ATP2B2: variants seen among roughly 807,000 people sequenced by gnomAD.
ATP2B2 encodes the protein ATPase plasma membrane Ca2+ transporting 2.
A neutral mutation model predicts 120.0 loss-of-function variants in ATP2B2; 15 were observed. That is an observed-to-expected ratio of 0.12 (90% CI 0.08 to 0.19). ATP2B2 has a LOEUF of 0.19. ATP2B2 is among the 10% of genes least tolerant of loss of function. The pLI is 1.00. For synonymous variants in ATP2B2, 694 were observed against 700.3 expected (o/e 0.99, Z 0.14); for missense variants, 1,045 against 1,719.8 (o/e 0.61, Z 6.94).
intron 1 of ATP2B2, among the ~76,000 whole-genome samples, chr3:10,672,442 G>C (rs1353945981): frequency 6.6e-6 from 1 of 152,178 alleles, no homozygotes; most frequent in Non-Finnish European, 1.5e-5. Flanking sequence ...TGGTTTAATG[G>C]GCTCTCTGGA....
intron 2 of ATP2B2, among the ~76,000 whole-genome samples, chr3:10,536,262 C>G (rs1479815591): frequency 2.0e-5 from 3 of 150,730 alleles, no homozygotes; most frequent in African/African-American, 4.9e-5. Context: ...ATACCAGTAC[C>G]TCATCGGTTT....
chr3:10,407,931 C>T (rs867345409), intron 3 of ATP2B2, among the ~76,000 whole-genome samples: 7 of 152,188 alleles, frequency 4.6e-5, no homozygotes, highest in African/African-American at 9.7e-5. Context: ...CATGGAGGGC[C>T]GGCCTGGGTC....
At chr3:10,662,685 G>T (rs111671018) in intron 1 of ATP2B2, among the ~76,000 whole-genome samples, 1 of 151,876 alleles carries the variant, frequency 6.6e-6, no homozygotes. Context: ...ACTGTGTGGC[G>T]GTTCTTCAAG....
At chr3:10,469,910 G>C (rs1039016290) in intron 1 of ATP2B2, among the ~76,000 whole-genome samples, 1 of 152,004 alleles carries the variant, frequency 6.6e-6, no homozygotes, top group African/African-American at 2.4e-5. Context: ...TTGGTTGCCT[G>C]GCAACCATGC....
At chr3:10,495,018 T>C (rs2066087515) in intron 1 of ATP2B2, among the ~76,000 whole-genome samples, 1 of 152,228 alleles carries the variant, frequency 6.6e-6, no homozygotes, top group African/African-American at 2.4e-5. Flanking sequence ...TCCCCAAATG[T>C]GGAGCCAGTG....
At chr3:10,390,336 G>C (rs1272464380) in intron 5 of ATP2B2, among the ~76,000 whole-genome samples, 1 of 152,192 alleles carries the variant, frequency 6.6e-6, no homozygotes, top group Non-Finnish European at 1.5e-5. Flanking sequence ...TCTAAAATAA[G>C]GGTTGAGGGG....
At chr3:10,344,489 G>A (rs1037828476) in intron 18 of ATP2B2, among the ~76,000 whole-genome samples, 2 of 152,226 alleles carry the variant, frequency 1.3e-5, no homozygotes, top group Admixed American at 6.5e-5. Context: ...GTGTTCCAGC[G>A]CCACACAGCT....
chr3:10,630,522 A>G (rs2069833346), intron 1 of ATP2B2, among the ~76,000 whole-genome samples: 1 of 152,108 alleles, frequency 6.6e-6, no homozygotes, highest in African/African-American at 2.4e-5. Flanking sequence ...TTATGGCTTC[A>G]TAGTATTCCA....
At chr3:10,455,431 G>A (rs898017634) in intron 1 of ATP2B2, among the ~76,000 whole-genome samples, 1 of 152,212 alleles carries the variant, frequency 6.6e-6, no homozygotes, top group African/African-American at 2.4e-5. Flanking sequence ...TGTGACCTTG[G>A]AGAAGTCATC....
intron 2 of ATP2B2, among the ~76,000 whole-genome samples, chr3:10,437,343 T>C (rs2125124943): frequency 6.6e-6 from 1 of 152,310 alleles, no homozygotes; most frequent in Non-Finnish European, 1.5e-5. Flanking sequence ...TTGACTCACA[T>C]CAGCTCATTT....
At chr3:10,354,137 C>T (rs766243489) in intron 14 of ATP2B2, among the ~76,000 whole-genome samples, 1 of 152,190 alleles carries the variant, frequency 6.6e-6, no homozygotes, top group Admixed American at 6.5e-5. Context: ...ATGAAATGCT[C>T]TCTATTCCTG....
At chr3:10,435,851 AAG>A (rs2063464517) in intron 2 of ATP2B2, among the ~76,000 whole-genome samples, 1 of 152,258 alleles carries the variant, frequency 6.6e-6, no homozygotes, top group Admixed American at 6.5e-5. Flanking sequence ...GAATTTAAAA[AAG>A]AAATAAAAAA....
Position 10,329,049 on chromosome 3 carries a change from T to C in ATP2B2, c.3497A>G (p.Asn1166Ser). 1 of 1,613,834 alleles carries C rather than the reference T, an allele frequency of 6.2e-7. No individual in the cohort carries two copies. The highest frequency in any genetic ancestry group is 8.5e-7 in the Non-Finnish European group (1 of 1,179,978). Residue 1166 changes from asparagine to serine, a missense_variant, in exon 23 of 23, where the codon AAC (asparagine) becomes AGC (serine). By Grantham distance (46) the Asn-to-Ser change is conservative. This residue lies in a region of ATP2B2 where 211 missense variants were observed against 385.1 expected (regional missense o/e 0.55). Coordinates refer to ENST00000360273, the MANE Select transcript of ATP2B2 (RefSeq NM_001001331.4). The surrounding 1 kb of genome is among the most constrained non-coding windows in gnomAD (Gnocchi z 5.9). ...CCGGAATTCAGGATGAGCCATGAAG[T>C]TATGGATGGAGGTTCGAGATTCAGG... ...EKPESRTSIH[N>S]FMAHPEFRIE...
intron 2 of ATP2B2, among the ~76,000 whole-genome samples, chr3:10,431,219 G>A (rs539410365): frequency 5.9e-5 from 9 of 152,326 alleles, no homozygotes; most frequent in African/African-American, 1.9e-4. Context: ...AGTTGATTGA[G>A]CAGCGGCAGT....
In ATP2B2 at chr3:10,471,953, C is replaced by A. The variant is rs544265960; in HGVS notation, c.-319-22091G>T. Among the ~76,000 whole-genome samples the A allele has an allele frequency of 9.3e-3, 1,404 of 151,506 alleles. 22 individuals are homozygous for A. Among genetic ancestry groups the A allele is most frequent in the African/African-American group, 0.033 (1,345 of 41,380 alleles). On this transcript the variant is annotated intron_variant, in intron 1 of 22. Transcript: ENST00000360273. ...AAAATTAGCCGGGTGTGGTGGCGGGCGCCTGTAGTCCCAGCTACTCGGGAG... is the reference window on the plus strand; with the variant it reads ...AAAATTAGCCGGGTGTGGTGGCGGGAGCCTGTAGTCCCAGCTACTCGGGAG...
rs531069525 is a variant in ATP2B2, at chr3:10,420,608, C to T, written c.200-9793G>A. On this transcript the variant is annotated intron_variant, in intron 2 of 22. Transcript: ENST00000360273. ...AACTCCTGACCTCAGGTGATCCACC[C>T]GCCTTGGCCTCCCAAAGTGCTGGGA... 1.6e-4 allele frequency among the ~76,000 whole-genome samples: 25 copies of T among 152,286 alleles called. 2 individuals carry two copies. The South Asian group carries it at 4.1e-3, about 25-fold the overall frequency.
chr3:10,687,823 C>T (rs556971655), intron 1 of ATP2B2, among the ~76,000 whole-genome samples: 7 of 152,084 alleles, frequency 4.6e-5, no homozygotes, highest in African/African-American at 9.6e-5. Flanking sequence ...ATCACACCAC[C>T]GCACTCCAGC....
At chr3:10,550,999 T>A (rs895869126) in intron 2 of ATP2B2, among the ~76,000 whole-genome samples, 1 of 152,138 alleles carries the variant, frequency 6.6e-6, no homozygotes, top group Non-Finnish European at 1.5e-5. Flanking sequence ...TCAGGCAAGT[T>A]TGAGGCTCAG....
intron 3 of ATP2B2, among the ~76,000 whole-genome samples, chr3:10,518,355 G>A (rs992864341): frequency 6.6e-6 from 1 of 152,126 alleles, no homozygotes; most frequent in Non-Finnish European, 1.5e-5. Flanking sequence ...GCGGACTCGC[G>A]TCTGCCTTTG....
Sources: allele counts gnomAD v4.1 joint callset (sites outside exome capture counted in the v4.1 genomes callset), GRCh38; gene constraint gnomAD v4.1.1; regional missense constraint gnomAD v4.1.1; non-coding constraint Gnocchi (gnomAD v3.1); transcripts MANE v1.5; gene names NCBI Gene and HGNC (gene_info 2026-07-23, HGNC 2026-07-21).